Variants in GRIK4 observed in about 807,000 individuals in gnomAD.
GRIK4 encodes glutamate ionotropic receptor kainate type subunit 4.
A neutral mutation model predicts 104.9 loss-of-function variants in GRIK4; 40 were observed. The observed-to-expected ratio is 0.38, with a 90% CI of 0.30 to 0.50. The LOEUF (loss-of-function observed/expected upper bound fraction) is 0.50. Among genes scored for constraint, GRIK4 ranks in the 20% least tolerant of loss-of-function variants. The pLI, the probability that GRIK4 is intolerant of heterozygous loss-of-function variation, is 0.93. For missense variants in GRIK4, 1,047 were observed against 1,308.1 expected (o/e 0.80, Z 3.08); for synonymous variants, 485 against 524.9 (o/e 0.92, Z 1.04).
chr11:120,861,839 AAC>A, intron 8 of GRIK4, 118 bp from the exon 9 acceptor site: 1 of 772,622 alleles, frequency 1.3e-6, no homozygotes. Context: ...CCTAGGTCCC[AAC>A]AGAGTGTCTG....
intron 1 of GRIK4, among the ~76,000 whole-genome samples, chr11:120,566,474 G>A (rs1948324777): frequency 6.6e-6 from 1 of 152,210 alleles, no homozygotes; most frequent in Non-Finnish European, 1.5e-5. Flanking sequence ...AGTTGGGCCA[G>A]CCTACGATGT....
chr11:120,914,308 A>G (rs1015944051), intron 13 of GRIK4, among the ~76,000 whole-genome samples: 2 of 152,206 alleles, frequency 1.3e-5, no homozygotes, highest in African/African-American at 4.8e-5. Flanking sequence ...GACAGGTATG[A>G]AGTGCTTCCT....
intron 1 of GRIK4, among the ~76,000 whole-genome samples, chr11:120,616,893 T>C (rs1949124055): frequency 6.6e-6 from 1 of 152,242 alleles, no homozygotes; most frequent in African/African-American, 2.4e-5. Flanking sequence ...CAGTTTTTAT[T>C]GGGCTTTTGC....
At chr11:120,731,947 T>C (rs930130865) in intron 3 of GRIK4, among the ~76,000 whole-genome samples, 5 of 152,232 alleles carry the variant, frequency 3.3e-5, no homozygotes, top group African/African-American at 1.2e-4. Flanking sequence ...TCTTTCTTTT[T>C]TTCCTAGTCC....
intron 3 of GRIK4, among the ~76,000 whole-genome samples, chr11:120,722,592 G>A (rs183382468): frequency 3.3e-5 from 5 of 150,818 alleles, no homozygotes; most frequent in Non-Finnish European, 5.9e-5. Flanking sequence ...TCCAGCCTGC[G>A]TGACAAAGCG....
At chr11:120,917,864 T>C (rs1461926806) in intron 13 of GRIK4, among the ~76,000 whole-genome samples, 1 of 152,208 alleles carries the variant, frequency 6.6e-6, no homozygotes, top group African/African-American at 2.4e-5. Context: ...GAGCGCCAGC[T>C]GTTAAGGGGA....
intron 1 of GRIK4, among the ~76,000 whole-genome samples, chr11:120,630,973 A>G (rs1591754336): frequency 6.6e-6 from 1 of 152,338 alleles, no homozygotes; most frequent in East Asian, 1.9e-4. Context: ...TGGGCTGCAC[A>G]GTGCTGGTGG....
chr11:120,923,546 G>A (rs1248338625), intron 13 of GRIK4, among the ~76,000 whole-genome samples: 1 of 151,256 alleles, frequency 6.6e-6, no homozygotes, highest in African/African-American at 2.4e-5. Context: ...CTGAGTAGCT[G>A]GGACTACAGG....
chr11:120,640,786 G>T (rs543842592), intron 1 of GRIK4, among the ~76,000 whole-genome samples: 4 of 151,552 alleles, frequency 2.6e-5, no homozygotes, highest in African/African-American at 4.8e-5. Context: ...TCAGCTCACT[G>T]CAACCTCCAT....
intron 3 of GRIK4, among the ~76,000 whole-genome samples, chr11:120,695,922 G>A (rs946082750): frequency 3.3e-5 from 5 of 152,162 alleles, no homozygotes; most frequent in African/African-American, 1.2e-4. Flanking sequence ...CTCACACAGA[G>A]GCCTGCTCCA....
rs758270994 is a variant in GRIK4, at chr11:120,874,118, A to G, written c.959A>G (p.Gln320Arg). ...GTCTATGCTGTGGTGACTGCGGTGC[A>G]GGAACTGAACCGGAGCCAAGAGATC... The part of the protein sequence containing the change: ...DAVYAVVTAV[Q>R]ELNRSQEIGV... Residue 320 changes from glutamine (Q) to arginine (R), a missense_variant, in exon 10 of 21, where the codon CAG becomes CGG. Gln to Arg is a conservative substitution (Grantham distance 43, BLOSUM62 1). Around this residue, in one of 3 missense-constraint regions of GRIK4, gnomAD observed 447 missense variants for 514.9 expected, o/e 0.87. Coordinates refer to ENST00000527524, the MANE Select transcript of GRIK4 (RefSeq NM_014619.5). The G allele has an allele frequency of 5.0e-6, 8 of 1,613,808 alleles. No individual in the cohort carries two copies. In the East Asian group the frequency reaches 1.8e-4, roughly 36 times the overall value.
intron 19 of GRIK4, among the ~76,000 whole-genome samples, chr11:120,969,241 G>A (rs1322279631): frequency 2.0e-5 from 3 of 152,144 alleles, no homozygotes; most frequent in Non-Finnish European, 4.4e-5. Context: ...GAAGTGCGGA[G>A]ATTACTTCTC....
At chr11:120,851,265 G>A (rs1192509623) in intron 8 of GRIK4, among the ~76,000 whole-genome samples, 2 of 152,114 alleles carry the variant, frequency 1.3e-5, no homozygotes, top group African/African-American at 4.8e-5. Flanking sequence ...CAGCCATACT[G>A]AATGACTTGC....
At chr11:120,744,249 G>T (rs547434836) in intron 3 of GRIK4, among the ~76,000 whole-genome samples, 1 of 152,212 alleles carries the variant, frequency 6.6e-6, no homozygotes, top group East Asian at 1.9e-4. Context: ...AGACTCTGCC[G>T]CAAACAGCTG....
chr11:120,533,877 A>G (rs1411021333), intron 1 of GRIK4, among the ~76,000 whole-genome samples: 2 of 152,100 alleles, frequency 1.3e-5, no homozygotes, highest in African/African-American at 4.8e-5. Flanking sequence ...ACTGTGTCTC[A>G]AAACAAAAAC....
chr11:120,966,028 G>A (rs1372739422), intron 18 of GRIK4, among the ~76,000 whole-genome samples: 1 of 152,148 alleles, frequency 6.6e-6, no homozygotes, highest in African/African-American at 2.4e-5. Context: ...AGCCTGTGCT[G>A]GGACATTGAG....
In GRIK4 at chr11:120,819,527, C is replaced by G. The variant is rs1443451435; in HGVS notation, c.346-228C>G. Among the ~76,000 whole-genome samples the G allele has an allele frequency of 6.6e-6, 1 of 152,212 alleles. No individual in the cohort carries two copies. The highest frequency in any genetic ancestry group is 1.5e-5 in the Non-Finnish European group (1 of 68,044). Reference sequence around the variant, plus strand: ...CGGTGCATTCATCCGGGTCTCTGGACAAATAGTTTTCTGTCCTGGGGCTGC... The same window carrying G: ...CGGTGCATTCATCCGGGTCTCTGGAGAAATAGTTTTCTGTCCTGGGGCTGC... On this transcript the variant is annotated intron_variant, in intron 5 of 20. Coordinates refer to ENST00000527524, the MANE Select transcript of GRIK4 (RefSeq NM_014619.5). This position sits in a 1 kb window ranked among gnomAD's most constrained non-coding sequence, Gnocchi z 4.3.
At chr11:120,630,408 G>A (rs1456351237) in intron 1 of GRIK4, among the ~76,000 whole-genome samples, 2 of 152,252 alleles carry the variant, frequency 1.3e-5, no homozygotes, top group African/African-American at 4.8e-5. Flanking sequence ...TGGGTTGCAC[G>A]TGCTCCTGGC....
At chr11:120,854,163 T>G (rs1200626485) in intron 8 of GRIK4, among the ~76,000 whole-genome samples, 1 of 152,176 alleles carries the variant, frequency 6.6e-6, no homozygotes, top group Non-Finnish European at 1.5e-5. Context: ...AATTGATATT[T>G]CATAAATCAC....
Sources: gnomAD v4.1 joint callset for allele counts (sites outside exome capture counted in the v4.1 genomes callset) on GRCh38, gnomAD v4.1.1 for gene constraint, gnomAD v4.1.1 regional missense constraint, Gnocchi (gnomAD v3.1) non-coding constraint, MANE v1.5 for transcripts, NCBI Gene and HGNC (gene_info 2026-07-23, HGNC 2026-07-21) for gene names.